Variants in TMEM132D observed in about 807,000 individuals in gnomAD.
The protein encoded by TMEM132D is mature OL transmembrane protein.
A neutral mutation model predicts 62.3 loss-of-function variants in TMEM132D; 21 were observed. The observed-to-expected ratio is 0.34, with a 90% confidence interval of 0.24 to 0.49. The LOEUF is 0.49. Ranked by LOEUF, TMEM132D falls within the 20% of genes least tolerant of loss-of-function variation. TMEM132D has a pLI of 0.99. For synonymous variants in TMEM132D, 621 were observed against 575.6 expected (o/e 1.08, Z -1.13); for missense variants, 1,346 against 1,402.8 (o/e 0.96, Z 0.65).
chr12:129,769,630 C>A (rs532318671), intron 1 of TMEM132D, among the ~76,000 whole-genome samples: 1 of 152,110 alleles, frequency 6.6e-6, no homozygotes, highest in Admixed American at 6.5e-5. Context: ...CGGATAAAAG[C>A]CCCCTGACTC....
chr12:129,404,167 C>T (rs188413288), intron 3 of TMEM132D, among the ~76,000 whole-genome samples: 30 of 151,998 alleles, frequency 2.0e-4, no homozygotes, highest in Admixed American at 4.6e-4. Context: ...CATTTTGCAT[C>T]GTTGTAAATA....
At chr12:129,553,253 G>A (rs529977098) in intron 2 of TMEM132D, among the ~76,000 whole-genome samples, 94 of 152,238 alleles carry the variant, frequency 6.2e-4, no homozygotes, top group Admixed American at 1.4e-3. Flanking sequence ...ACAGTGGCCC[G>A]TGGTCCCTGG....
At chr12:129,898,316 G>A (rs1214203705) in intron 1 of TMEM132D, among the ~76,000 whole-genome samples, 1 of 152,156 alleles carries the variant, frequency 6.6e-6, no homozygotes, top group African/African-American at 2.4e-5. Flanking sequence ...TAAAAATACT[G>A]GAGAGAAATC....
intron 2 of TMEM132D, among the ~76,000 whole-genome samples, chr12:129,640,067 C>T (rs963354749): frequency 6.6e-6 from 1 of 152,038 alleles, no homozygotes; most frequent in African/African-American, 2.4e-5. Context: ...CATACACACA[C>T]ACACACACAC....
chr12:129,562,054 C>T (rs1161012512), intron 2 of TMEM132D, among the ~76,000 whole-genome samples: 3 of 152,148 alleles, frequency 2.0e-5, no homozygotes, highest in Non-Finnish European at 4.4e-5. Context: ...TCTTGAGGAA[C>T]ATTTTACAGT....
At position 129,531,209 on chromosome 12, in the gene TMEM132D, T is replaced by G. The variant is rs753594868; in HGVS notation, c.969-4A>C. 5 of 1,607,264 alleles carry G rather than the reference T, an allele frequency of 3.1e-6. No homozygotes were observed. The highest frequency in any genetic ancestry group is 4.2e-6 in the Non-Finnish European group (5 of 1,176,728). On this transcript the variant is annotated splice_polypyrimidine_tract_variant and splice_region_variant and intron_variant, in intron 2 of 8. Transcript: ENST00000422113. Reference sequence around the variant, plus strand: ...CACGCCTTTCTTCACCTTTGCCCTGTTGGAGACAGCACGTGTGGGTCTGAG... The same window carrying G: ...CACGCCTTTCTTCACCTTTGCCCTGGTGGAGACAGCACGTGTGGGTCTGAG...
At chr12:129,361,044 T>G (rs1457330119) in intron 3 of TMEM132D, among the ~76,000 whole-genome samples, 1 of 152,192 alleles carries the variant, frequency 6.6e-6, no homozygotes, top group Non-Finnish European at 1.5e-5. Flanking sequence ...CACTTCCACC[T>G]GCAAAGCAGT....
intron 1 of TMEM132D, among the ~76,000 whole-genome samples, chr12:129,802,561 C>T (rs1415846102): frequency 1.9e-5 from 2 of 104,676 alleles, no homozygotes; most frequent in African/African-American, 3.6e-5. Context: ...AAAGGAACAA[C>T]CGGTACCAGC....
intron 2 of TMEM132D, among the ~76,000 whole-genome samples, chr12:129,584,647 T>C (rs1877972048): frequency 6.6e-6 from 1 of 152,218 alleles, no homozygotes; most frequent in South Asian, 2.1e-4. Context: ...CCCATTGCTC[T>C]AAAGAGGACG....
chr12:129,136,307 C>A (rs1876554607), intron 5 of TMEM132D, among the ~76,000 whole-genome samples: 3 of 152,160 alleles, frequency 2.0e-5, no homozygotes, highest in African/African-American at 7.2e-5. Flanking sequence ...TTCCAGGATC[C>A]AATCTGAGAT....
chr12:129,474,255 T>C (rs1874193273), intron 3 of TMEM132D, among the ~76,000 whole-genome samples: 1 of 152,212 alleles, frequency 6.6e-6, no homozygotes, highest in Admixed American at 6.5e-5. Flanking sequence ...ATGTATGCCC[T>C]TCTGCTCCCT....
At chr12:129,464,893 A>G (rs1325127194) in intron 3 of TMEM132D, among the ~76,000 whole-genome samples, 2 of 151,482 alleles carry the variant, frequency 1.3e-5, no homozygotes, top group African/African-American at 2.4e-5. Context: ...TATAGTTTGA[A>G]GTCAGGTAGC....
At chr12:129,144,287 A>C (rs988407862) in intron 5 of TMEM132D, among the ~76,000 whole-genome samples, 4 of 152,150 alleles carry the variant, frequency 2.6e-5, no homozygotes, top group Non-Finnish European at 4.4e-5. Flanking sequence ...CCAATAAATC[A>C]TGTCTCCCAG....
intron 8 of TMEM132D, among the ~76,000 whole-genome samples, chr12:129,078,075 C>T (rs932062241): frequency 1.3e-5 from 2 of 152,332 alleles, no homozygotes; most frequent in Non-Finnish European, 2.9e-5. Flanking sequence ...AGCGATCTCC[C>T]GCCACAGGCT....
intron 1 of TMEM132D, among the ~76,000 whole-genome samples, chr12:129,729,801 T>C (rs1483190421): frequency 6.6e-6 from 1 of 152,182 alleles, no homozygotes; most frequent in African/African-American, 2.4e-5. Context: ...TTTAAGTAGT[T>C]TTAATCGCCA....
rs1007873030 is a variant in TMEM132D at position 129,185,701 on chromosome 12, ATCTG to A, written c.1443+23815_1443+23818del. On this transcript the variant is annotated intron_variant, in intron 5 of 8. Transcript: ENST00000422113. ...AAAGTTTTATGTCCATATCTTATCTATCTGTCTGTCTGTCTCTATCTATCTGTCT... is the reference window on the plus strand; with the variant it reads ...AAAGTTTTATGTCCATATCTTATCTATCTGTCTGTCTCTATCTATCTGTCT... 6.8e-3 allele frequency among the ~76,000 whole-genome samples: 1,024 copies of A among 151,214 alleles called. 16 individuals carry two copies. The highest frequency in any genetic ancestry group is 0.024 in the African/African-American group (988 of 41,140).
At position 129,239,107 on chromosome 12, in the gene TMEM132D, G is replaced by A. The variant is rs143505573; in HGVS notation, c.1300-29444C>T. Among the ~76,000 whole-genome samples the A allele has an allele frequency of 1.8e-4, 27 of 148,272 alleles. No individual in the cohort carries two copies. The East Asian group carries it at 4.1e-3, about 23-fold the overall frequency. ...TTAAGGATGTTGACCATCTTTTCAC[G>A]TGCTTGTTATTACCCATTTGCACAT... On this transcript the variant is annotated intron_variant, in intron 4 of 8. Transcript: ENST00000422113.
chr12:129,490,877 TCC>T (rs1874770088), intron 3 of TMEM132D, among the ~76,000 whole-genome samples: 1 of 152,082 alleles, frequency 6.6e-6, no homozygotes. Context: ...GACGCCATCC[TCC>T]CTGTAGCTTC....
In TMEM132D at chr12:129,075,067, G is replaced by C; in HGVS notation, c.2116-8C>G. On this transcript the variant is annotated splice_polypyrimidine_tract_variant and splice_region_variant and intron_variant, in intron 8 of 8. Transcript: ENST00000422113. Reference sequence around the variant, plus strand: ...GCAACTGATGGCTGCTTCCTATGGAGAAAAATATGTAAGTTAATCAAATGG... The same window carrying C: ...GCAACTGATGGCTGCTTCCTATGGACAAAAATATGTAAGTTAATCAAATGG... 6.3e-7 allele frequency: 1 copy of C among 1,594,726 alleles called. No individual in the cohort carries two copies. The highest frequency in any genetic ancestry group is 8.5e-7 in the Non-Finnish European group (1 of 1,174,136).
Sources: gnomAD v4.1 joint callset for allele counts (sites outside exome capture counted in the v4.1 genomes callset) on GRCh38, gnomAD v4.1.1 for gene constraint, MANE v1.5 for transcripts, NCBI Gene and HGNC (gene_info 2026-07-23, HGNC 2026-07-21) for gene names.